ZNF286A: variants seen among roughly 807,000 people sequenced by gnomAD.
The protein encoded by ZNF286A is zinc finger protein 286A, also known as zinc finger protein ZNF286.
A neutral mutation model predicts 49.3 loss-of-function variants in ZNF286A; 34 were observed. The observed-to-expected ratio is 0.69, with a 90% CI of 0.52 to 0.92. The LOEUF is 0.92. Among genes scored for constraint, ZNF286A ranks in the 40% least tolerant of loss-of-function variants. The pLI is 0.00. For missense variants in ZNF286A, 462 were observed against 600.2 expected (o/e 0.77, Z 2.41); for synonymous variants, 155 against 200.4 (o/e 0.77, Z 1.91).
Position 15,717,570 on chromosome 17 carries a change from C to G in ZNF286A, c.*280C>G, listed in dbSNP as rs1168580102. 2.3e-6 allele frequency: 1 copy of G among 435,284 alleles called. No homozygotes were observed. The highest frequency in any genetic ancestry group is 4.2e-5 in the East Asian group (1 of 23,686). The allele number at this position is 435,284 out of a possible 1,614,324, so 27.0% of individuals were successfully genotyped here. ...AAGTCCCTGAGAGTAGGTAGCAGTA[C>G]GAACATTGTGAAATCCAGTTTTCCC... On this transcript the variant is annotated 3_prime_UTR_variant, in exon 6 of 6. Transcript: ENST00000583566.
At chr17:15,703,049 G>C (rs561641149) in intron 3 of ZNF286A, among the ~76,000 whole-genome samples, 2 of 152,090 alleles carry the variant, frequency 1.3e-5, no homozygotes, top group African/African-American at 4.8e-5. Context: ...GACTCTAATG[G>C]GGTATTAGGC....
At chr17:15,707,308 C>T (rs1407209006) in intron 4 of ZNF286A, among the ~76,000 whole-genome samples, 3 of 151,862 alleles carry the variant, frequency 2.0e-5, no homozygotes, top group African/African-American at 7.3e-5. Context: ...GGTGCGGTGG[C>T]GGGCGCCTGT....
intron 5 of ZNF286A, among the ~76,000 whole-genome samples, chr17:15,712,114 C>T (rs111491607): frequency 0.25 from 37,671 of 151,010 alleles, 2,524 homozygotes; most frequent in South Asian, 0.38. Context: ...CCTCATGATC[C>T]GCCCTCCTTG....
intron 3 of ZNF286A, among the ~76,000 whole-genome samples, chr17:15,701,994 C>T (rs1989810889): frequency 6.6e-6 from 1 of 151,966 alleles, no homozygotes; most frequent in South Asian, 2.1e-4. Context: ...TGGTGGCACG[C>T]ACCTGTAGTC....
intron 5 of ZNF286A, among the ~76,000 whole-genome samples, chr17:15,713,168 G>A (rs1446359157): frequency 6.6e-6 from 1 of 152,124 alleles, no homozygotes; most frequent in African/African-American, 2.4e-5. Flanking sequence ...AGGTGGGTGG[G>A]TTGATTGAGC....
At chr17:15,706,358 G>A in intron 3 of ZNF286A, 29 bp from the exon 4 acceptor site, 1 of 1,587,806 alleles carries the variant, frequency 6.3e-7, no homozygotes, top group South Asian at 1.1e-5. Context: ...TTAAGGGAAA[G>A]ATGTTGAAAA....
chr17:15,706,835 A>G (rs1021091468), intron 4 of ZNF286A, among the ~76,000 whole-genome samples: 1 of 152,156 alleles, frequency 6.6e-6, no homozygotes, highest in Non-Finnish European at 1.5e-5. Context: ...TTTGCTCTGT[A>G]TTAGCTTTAT....
chr17:15,711,525 C>A (rs1320640506), intron 5 of ZNF286A: 1 of 152,090 alleles, frequency 6.6e-6, no homozygotes, highest in Non-Finnish European at 1.5e-5. Context: ...GTTAAGCAAG[C>A]AAGGTGGAAA....
rs1203350726 is a variant in ZNF286A at position 15,718,690 on chromosome 17, C to T, written c.*1400C>T. ...CAGCTTCCCTTCGTGAAGAAGTTGC[C>T]ATTTCTCTGGCCTTCATATTTATCT... is the stretch of plus-strand genomic sequence containing the variant. On this transcript the variant is annotated 3_prime_UTR_variant, in exon 6 of 6. Transcript: ENST00000583566. 6.6e-6 allele frequency: 1 copy of T among 150,790 alleles called. No individual in the cohort carries two copies. The highest frequency in any genetic ancestry group is 1.5e-5 in the Non-Finnish European group (1 of 67,912). 9.3% of individuals were successfully genotyped at this position (150,790 alleles called of 1,614,324 possible). A position where few individuals can be genotyped will look rare whatever the true frequency, so the allele number is the denominator to read the frequency against.
At chr17:15,707,695 C>T (rs190267080) in intron 4 of ZNF286A, among the ~76,000 whole-genome samples, 1 of 152,198 alleles carries the variant, frequency 6.6e-6, no homozygotes, top group Non-Finnish European at 1.5e-5. Flanking sequence ...CAATTGAACT[C>T]CTTACCAGGC....
chr17:15,713,626 T>C (rs902663713), intron 5 of ZNF286A, among the ~76,000 whole-genome samples: 1 of 151,692 alleles, frequency 6.6e-6, no homozygotes, highest in African/African-American at 2.4e-5. Flanking sequence ...AAATTTTTCA[T>C]ATATTGAAAT....
At chr17:15,705,048 C>T (rs1567704825) in intron 3 of ZNF286A, 5 of 447,882 alleles carry the variant, frequency 1.1e-5, no homozygotes, top group East Asian at 4.5e-5. Context: ...TGACGTCCGC[C>T]GCGCACAGCG....
intron 5 of ZNF286A, among the ~76,000 whole-genome samples, chr17:15,715,693 T>C (rs1967006097): frequency 6.6e-6 from 1 of 152,150 alleles, no homozygotes; most frequent in African/African-American, 2.4e-5. Context: ...ATTAAGATGG[T>C]TATGTGCCTA....
In ZNF286A at chr17:15,717,382, G is replaced by A. The variant is rs1967121367; in HGVS notation, c.*92G>A. The A allele has an allele frequency of 1.4e-6, 2 of 1,457,308 alleles. No individual in the cohort carries two copies. The highest frequency in any genetic ancestry group is 1.9e-4 in the Middle Eastern group (1 of 5,264). The allele number at this position is 1,457,308 out of a possible 1,614,324, so 90.3% of individuals were successfully genotyped here. ...TGGAAGGCGCATCCATAATATGCAT[G>A]TGAGGACCAATTCTGTATGCATCTA... On this transcript the variant is annotated 3_prime_UTR_variant, in exon 6 of 6. Coordinates refer to ENST00000583566, the MANE Select transcript of ZNF286A (RefSeq NM_001130842.2).
chr17:15,704,865 G>A (rs1597710200), intron 3 of ZNF286A: 18 of 1,612,264 alleles, frequency 1.1e-5, no homozygotes, highest in Non-Finnish European at 1.5e-5. Flanking sequence ...CCAGGCGGAT[G>A]ATGTGCGGGG....
At chr17:15,715,218 AT>A (rs893026048) in intron 5 of ZNF286A, among the ~76,000 whole-genome samples, 13 of 148,920 alleles carry the variant, frequency 8.7e-5, no homozygotes, top group African/African-American at 2.2e-4. Context: ...TCCTTTTTTT[AT>A]TTTTTTTTAA....
At chr17:15,703,991 T>G (rs1012536128) in intron 3 of ZNF286A, among the ~76,000 whole-genome samples, 2 of 151,934 alleles carry the variant, frequency 1.3e-5, no homozygotes, top group African/African-American at 4.8e-5. Flanking sequence ...ATAATGTCTT[T>G]TCTACTTAGG....
At chr17:15,709,775 AC>A (rs1364421044) in intron 5 of ZNF286A, 1 of 1,535,524 alleles carries the variant, frequency 6.5e-7, no homozygotes, top group East Asian at 2.5e-5. Flanking sequence ...TCATAAGTCC[AC>A]TGTATGAATA....
chr17:15,704,472 C>T lies in ZNF286A; in HGVS notation c.127-1915C>T, dbSNP rs1597709202. 5 of 1,613,552 alleles carry T rather than the reference C, an allele frequency of 3.1e-6. No homozygotes were observed. In the East Asian group the frequency reaches 1.1e-4, roughly 36 times the overall value. On this transcript the variant is annotated intron_variant, in intron 3 of 5. Transcript: ENST00000583566. The stretch of plus-strand genomic sequence containing the variant: ...TGAGCAGACGGGCCCGAGCCGCATA[C>T]TCCTCGGAGTTCTCCAAGAGCAGGC...
Sources: gnomAD v4.1 joint callset for allele counts (sites outside exome capture counted in the v4.1 genomes callset) on GRCh38, gnomAD v4.1.1 for gene constraint, MANE v1.5 for transcripts, NCBI Gene and HGNC (gene_info 2026-07-23, HGNC 2026-07-21) for gene names.